Variants in RBFOX3 observed in about 807,000 individuals in gnomAD.
The protein encoded by RBFOX3 is RNA binding protein fox-1 homolog 3.
A neutral mutation model predicts 48.7 loss-of-function variants in RBFOX3; 17 were observed. That is an observed-to-expected ratio of 0.35 (90% confidence interval 0.24 to 0.52). RBFOX3 has a LOEUF of 0.52. Among genes scored for constraint, RBFOX3 ranks in the 20% least tolerant of loss-of-function variants. The pLI, the probability that RBFOX3 is intolerant of heterozygous loss-of-function variation, is 0.94. For missense variants in RBFOX3, 382 were observed against 497.5 expected (o/e 0.77, Z 2.21); for synonymous variants, 212 against 209.5 (o/e 1.01, Z -0.10).
intron 2 of RBFOX3, among the ~76,000 whole-genome samples, chr17:79,466,530 C>T (rs973753302): frequency 6.6e-6 from 1 of 152,300 alleles, no homozygotes; most frequent in East Asian, 1.9e-4. Flanking sequence ...GGGAGGGTCA[C>T]CTGCAGCCCT....
intron 2 of RBFOX3, among the ~76,000 whole-genome samples, chr17:79,442,377 G>C (rs1457105145): frequency 1.2e-5 from 1 of 86,114 alleles, no homozygotes; most frequent in Non-Finnish European, 2.4e-5. Context: ...GAGAGAGAGA[G>C]AGAGAGAGAG....
chr17:79,383,031 AACAC>A (rs60851419), intron 2 of RBFOX3, among the ~76,000 whole-genome samples: 6,533 of 141,290 alleles, frequency 0.046, 181 homozygotes, highest in East Asian at 0.12. Flanking sequence ...CTGCCTCTCA[AACAC>A]ACACACACAC....
intron 1 of RBFOX3, among the ~76,000 whole-genome samples, chr17:79,588,350 G>A (rs910365487): frequency 1.1e-4 from 17 of 152,270 alleles, no homozygotes; most frequent in Non-Finnish European, 1.8e-4. Flanking sequence ...GGTGCAAGGA[G>A]ACATTCTGGG....
chr17:79,522,466 C>CTAACTTTTACCCAA (rs1251549596), intron 1 of RBFOX3, among the ~76,000 whole-genome samples: 1 of 152,184 alleles, frequency 6.6e-6, no homozygotes, highest in Non-Finnish European at 1.5e-5. Flanking sequence ...CACCCCTGAG[C>CTAACTTTTACCCAA]TAACTTTTAC....
chr17:79,577,244 A>G (rs1027173707), intron 1 of RBFOX3, among the ~76,000 whole-genome samples: 2 of 152,220 alleles, frequency 1.3e-5, no homozygotes, highest in African/African-American at 2.4e-5. Context: ...AATTCTGGCT[A>G]GAACTGAAAA....
chr17:79,259,753 G>A (rs1431076380), intron 3 of RBFOX3, among the ~76,000 whole-genome samples: 5 of 152,112 alleles, frequency 3.3e-5, no homozygotes, highest in African/African-American at 1.2e-4. Flanking sequence ...GTGTGGCCTG[G>A]GTGTCTAGGT....
chr17:79,524,999 A>G lies in RBFOX3; in HGVS notation c.-319-42401T>C, dbSNP rs2086610124. The stretch of plus-strand genomic sequence containing the variant: ...TAACAAGGATTCTTGCATATTATTC[A>G]CTGTCAGAGAGCAACACCCTGCCAT... On this transcript the variant is annotated intron_variant, in intron 1 of 14. Transcript: ENST00000693108. Among the ~76,000 whole-genome samples the G allele has an allele frequency of 2.0e-5, 3 of 152,272 alleles. No individual in the cohort carries two copies. In the South Asian group the frequency reaches 6.2e-4, roughly 32 times the overall value.
chr17:79,636,398 G>A, the RBFOX3 span, among the ~76,000 whole-genome samples: 1 of 152,026 alleles, frequency 6.6e-6, no homozygotes, highest in Non-Finnish European at 1.5e-5. Context: ...AGGTCAACCA[G>A]GGAGACTTTA....
At chr17:79,332,493 C>T (rs145707782) in intron 2 of RBFOX3, among the ~76,000 whole-genome samples, 154 of 146,062 alleles carry the variant, frequency 1.1e-3, no homozygotes, top group African/African-American at 3.5e-3. Flanking sequence ...AGATGAGAGA[C>T]GGGGTGCAGA....
intron 2 of RBFOX3, among the ~76,000 whole-genome samples, chr17:79,476,789 T>C (rs1353097069): frequency 1.3e-5 from 2 of 149,906 alleles, no homozygotes; most frequent in East Asian, 4.0e-4. Flanking sequence ...AAGCCTGAAG[T>C]GCACACAATT....
At chr17:79,187,464 T>TA (rs1164784407) in intron 4 of RBFOX3, among the ~76,000 whole-genome samples, 1 of 152,122 alleles carries the variant, frequency 6.6e-6, no homozygotes, top group African/African-American at 2.4e-5. Flanking sequence ...CATCGACAAA[T>TA]ACATCGTGCT....
chr17:79,418,452 C>T lies in RBFOX3; in HGVS notation c.-175+64002G>A, dbSNP rs187104765. Among the ~76,000 whole-genome samples, 1 of 152,208 alleles carries T rather than the reference C, an allele frequency of 6.6e-6. No homozygotes were observed. Among genetic ancestry groups the T allele is most frequent in the South Asian group, 2.1e-4 (1 of 4,830 alleles). On this transcript the variant is annotated intron_variant, in intron 2 of 14. Coordinates refer to ENST00000693108, the MANE Select transcript of RBFOX3 (RefSeq NM_001350451.2). The surrounding 1 kb of genome is among the most constrained non-coding windows in gnomAD (Gnocchi z 5.0). ...CAATTTCATAAAGAAGGATTCACAC[C>T]GTGCCACGCGAGAAAGCCGTGTGTG...
At chr17:79,267,191 C>T (rs2066857579) in intron 3 of RBFOX3, among the ~76,000 whole-genome samples, 1 of 151,914 alleles carries the variant, frequency 6.6e-6, no homozygotes, top group African/African-American at 2.4e-5. Context: ...GGCATCACAC[C>T]AGATGCAGAC....
intron 2 of RBFOX3, 119 bp from the exon 3 acceptor site, chr17:79,307,943 C>T (rs2076308622): frequency 1.3e-5 from 2 of 153,452 alleles, no homozygotes; most frequent in African/African-American, 2.4e-5. Flanking sequence ...CAGAGTGTCA[C>T]GGGCACTATG....
intron 3 of RBFOX3, among the ~76,000 whole-genome samples, chr17:79,292,306 G>C (rs1358846312): frequency 6.6e-6 from 1 of 151,920 alleles, no homozygotes; most frequent in Non-Finnish European, 1.5e-5. Flanking sequence ...GACCCCACGA[G>C]TGTCAGGACC....
At chr17:79,645,913 G>T in the RBFOX3 span, among the ~76,000 whole-genome samples, 6 of 152,168 alleles carry the variant, frequency 3.9e-5, no homozygotes, top group Non-Finnish European at 7.3e-5. Context: ...AAAGGAATCT[G>T]CAATAATTCG....
At chr17:79,437,060 G>C (rs141869558) in intron 2 of RBFOX3, among the ~76,000 whole-genome samples, 4 of 152,122 alleles carry the variant, frequency 2.6e-5, no homozygotes, top group African/African-American at 9.7e-5. Context: ...AGGCCGCCCC[G>C]ATTCCCTTCT....
At chr17:79,576,736 TGATGGAGATCATGGAGATGATGGAGAA>T (rs2092876330) in intron 1 of RBFOX3, among the ~76,000 whole-genome samples, 1 of 149,808 alleles carries the variant, frequency 6.7e-6, no homozygotes. Context: ...AAGATGGAGA[TGATGGAGATCATGGAGATGATGGAGAA>T]GATGGAGACC....
At chr17:79,306,696 C>T (rs1238258762) in intron 3 of RBFOX3, among the ~76,000 whole-genome samples, 1 of 152,220 alleles carries the variant, frequency 6.6e-6, no homozygotes, top group African/African-American at 2.4e-5. Context: ...GTCCAGGGTG[C>T]CCTGCCTACC....
Sources: gnomAD v4.1 joint callset for allele counts (sites outside exome capture counted in the v4.1 genomes callset) on GRCh38, gnomAD v4.1.1 for gene constraint, Gnocchi (gnomAD v3.1) non-coding constraint, MANE v1.5 for transcripts, NCBI Gene and HGNC (gene_info 2026-07-23, HGNC 2026-07-21) for gene names.